PTPRD: variants seen among roughly 807,000 people sequenced by gnomAD.
PTPRD encodes the protein protein tyrosine phosphatase receptor type D, also known as receptor-type tyrosine-protein phosphatase delta.
Under a neutral mutation model 214.5 loss-of-function variants are expected in PTPRD, and 34 were observed. The ratio of observed to expected loss-of-function variants is 0.16; its 90% CI spans 0.12 to 0.21. PTPRD has a LOEUF of 0.21. Ranked by LOEUF, PTPRD falls within the 10% of genes least tolerant of loss-of-function variation. The pLI, the probability that PTPRD is intolerant of heterozygous loss-of-function variation, is 1.00. For missense variants in PTPRD, 2,545 were observed against 2,398.7 expected (o/e 1.06, Z -1.27); for synonymous variants, 1,128 against 845.7 (o/e 1.33, Z -5.79).
chr9:9,865,647 A>G (rs940685379), intron 5 of PTPRD, among the ~76,000 whole-genome samples: 2 of 152,136 alleles, frequency 1.3e-5, no homozygotes, highest in Admixed American at 6.5e-5. Context: ...TAAGACAATA[A>G]TGGGAGAAAT....
At chr9:10,337,457 A>C (rs2096863397) in intron 3 of PTPRD, among the ~76,000 whole-genome samples, 1 of 151,744 alleles carries the variant, frequency 6.6e-6, no homozygotes, top group African/African-American at 2.4e-5. Context: ...ATGTGAACAA[A>C]ACAGAGATAG....
chr9:9,736,519 T>C (rs2098298043), intron 6 of PTPRD, among the ~76,000 whole-genome samples: 1 of 152,102 alleles, frequency 6.6e-6, no homozygotes, highest in Non-Finnish European at 1.5e-5. Context: ...GTGACATTAC[T>C]GGGTCAGAAA....
At chr9:9,467,531 G>C (rs376553745) in intron 8 of PTPRD, among the ~76,000 whole-genome samples, 1 of 135,264 alleles carries the variant, frequency 7.4e-6, no homozygotes, top group African/African-American at 2.7e-5. Flanking sequence ...AGGCTGCAGT[G>C]AGCCGAGATT....
chr9:10,252,073 T>G (rs2092823869), intron 3 of PTPRD, among the ~76,000 whole-genome samples: 1 of 152,196 alleles, frequency 6.6e-6, no homozygotes, highest in Non-Finnish European at 1.5e-5. Flanking sequence ...ATACATGTAT[T>G]CAAACATCAT....
intron 8 of PTPRD, among the ~76,000 whole-genome samples, chr9:9,425,211 C>T (rs2142862527): frequency 6.6e-6 from 1 of 152,018 alleles, no homozygotes; most frequent in Non-Finnish European, 1.5e-5. Context: ...TGATGCTTGG[C>T]TCCCAGAAGA....
At chr9:10,341,057 C>T (rs945090233) in intron 2 of PTPRD, 40 bp from the exon 3 acceptor site, 2 of 151,878 alleles carry the variant, frequency 1.3e-5, no homozygotes, top group East Asian at 1.9e-4. Context: ...CATTATTTTA[C>T]ATTAATTTTT....
chr9:9,815,001 C>T (rs186154391), intron 5 of PTPRD, among the ~76,000 whole-genome samples: 125 of 151,882 alleles, frequency 8.2e-4, no homozygotes, highest in African/African-American at 2.7e-3. Context: ...GGCTCAAGTG[C>T]TTCACCCACC....
At chr9:9,662,643 G>A (rs1376872641) in intron 7 of PTPRD, among the ~76,000 whole-genome samples, 1 of 151,508 alleles carries the variant, frequency 6.6e-6, no homozygotes, top group Admixed American at 6.6e-5. Flanking sequence ...CTATATGTAG[G>A]GGAAATGTGC....
chr9:10,254,259 T>G (rs1387372383), intron 3 of PTPRD, among the ~76,000 whole-genome samples: 1 of 152,248 alleles, frequency 6.6e-6, no homozygotes, highest in Non-Finnish European at 1.5e-5. Flanking sequence ...ACTGAATGTA[T>G]AAGTTATTTA....
chr9:10,358,198 AAT>A (rs759180277), intron 2 of PTPRD, among the ~76,000 whole-genome samples: 38 of 152,192 alleles, frequency 2.5e-4, no homozygotes, highest in Non-Finnish European at 4.6e-4. Context: ...ATGGTGAGAT[AAT>A]GAGATTCTAC....
intron 9 of PTPRD, among the ~76,000 whole-genome samples, chr9:9,283,621 A>C (rs1236635150): frequency 6.6e-6 from 1 of 151,464 alleles, no homozygotes. Flanking sequence ...CCTTTTCCTC[A>C]TGACCATTTG....
At position 9,937,144 on chromosome 9, in the gene PTPRD, G is replaced by T. The variant is rs545760577; in HGVS notation, c.-368+1363C>A. Among the ~76,000 whole-genome samples, 7 of 152,088 alleles carry T rather than the reference G, an allele frequency of 4.6e-5. No individual in the cohort carries two copies. The East Asian group carries it at 1.4e-3, about 29-fold the overall frequency. On this transcript the variant is annotated intron_variant, in intron 5 of 45. Coordinates refer to ENST00000381196, the MANE Select transcript of PTPRD (RefSeq NM_002839.4). ...AATGCTAGATGATGAGTTAATGGGTGCAGCGCACCAGCATGGCACATGTAT... is the reference window on the plus strand; with the variant it reads ...AATGCTAGATGATGAGTTAATGGGTTCAGCGCACCAGCATGGCACATGTAT...
intron 9 of PTPRD, among the ~76,000 whole-genome samples, chr9:9,352,976 T>C (rs1265002167): frequency 6.6e-6 from 1 of 151,946 alleles, no homozygotes; most frequent in Non-Finnish European, 1.5e-5. Flanking sequence ...CTTGTACTGC[T>C]TGGTGTTGTT....
At chr9:10,353,149 C>G (rs556988203) in intron 2 of PTPRD, among the ~76,000 whole-genome samples, 5 of 152,046 alleles carry the variant, frequency 3.3e-5, no homozygotes, top group African/African-American at 1.2e-4. Context: ...ATAATCATCT[C>G]TATATACTCG....
At chr9:9,013,553 C>A (rs2099520843) in intron 11 of PTPRD, among the ~76,000 whole-genome samples, 1 of 152,114 alleles carries the variant, frequency 6.6e-6, no homozygotes, top group African/African-American at 2.4e-5. Context: ...AGCAACAAGT[C>A]TCTTTCTCTT....
intron 21 of PTPRD, among the ~76,000 whole-genome samples, chr9:8,515,821 C>A (rs544094127): frequency 1.3e-5 from 2 of 152,216 alleles, no homozygotes; most frequent in South Asian, 4.2e-4. Context: ...AATAGATTCC[C>A]GTTGTTTAAG....
chr9:9,548,788 T>C (rs972848245), intron 8 of PTPRD, among the ~76,000 whole-genome samples: 1 of 152,116 alleles, frequency 6.6e-6, no homozygotes, highest in African/African-American at 2.4e-5. Flanking sequence ...TTTATAATGA[T>C]GAAATGGTCA....
At chr9:8,826,682 A>G (rs2097182339) in intron 11 of PTPRD, among the ~76,000 whole-genome samples, 1 of 146,250 alleles carries the variant, frequency 6.8e-6, no homozygotes, top group Non-Finnish European at 1.5e-5. Flanking sequence ...TTGTGTATTC[A>G]TCCATTATTT....
rs75813905 is a variant in PTPRD at position 10,363,412 on chromosome 9, C to T, written c.-599-22395G>A. On this transcript the variant is annotated intron_variant, in intron 2 of 45. Transcript: ENST00000381196. ...CATCAAGATTTCTTTACACACTTCCCTTCTTATTTTCACTGTCGCCATTAT... is the reference window on the plus strand; with the variant it reads ...CATCAAGATTTCTTTACACACTTCCTTTCTTATTTTCACTGTCGCCATTAT... Among the ~76,000 whole-genome samples, 647 of 152,262 alleles carry T rather than the reference C, an allele frequency of 4.2e-3. 3 individuals are homozygous for T. The highest frequency in any genetic ancestry group is 0.014 in the African/African-American group (598 of 41,538).
Sources: allele counts gnomAD v4.1 joint callset (sites outside exome capture counted in the v4.1 genomes callset), GRCh38; gene constraint gnomAD v4.1.1; transcripts MANE v1.5; gene names NCBI Gene and HGNC (gene_info 2026-07-23, HGNC 2026-07-21).